The following CCDC91 variants were observed in gnomAD, a reference collection of about 807,000 sequenced individuals.
The protein encoded by CCDC91 is coiled-coil domain-containing protein 91.
In CCDC91, 48 loss-of-function variants were observed where a neutral mutation model predicts 63.2. The observed-to-expected ratio is 0.76, with a 90% CI of 0.60 to 0.97. CCDC91 has a LOEUF of 0.97. CCDC91 is among the 50% of genes least tolerant of loss of function. The probability of loss-of-function intolerance (pLI) is 0.00; values close to 1 mark genes in which losing one functional copy is unlikely to be tolerated. For synonymous variants in CCDC91, 167 were observed against 165.8 expected (o/e 1.01, Z -0.06); for missense variants, 500 against 494.6 (o/e 1.01, Z -0.10).
At chr12:28,500,557 T>C (rs1222656110) in intron 12 of CCDC91, among the ~76,000 whole-genome samples, 8 of 151,754 alleles carry the variant, frequency 5.3e-5, no homozygotes, top group African/African-American at 7.3e-5. Context: ...AATGATAAGA[T>C]ATGAGTCATT....
intron 11 of CCDC91, among the ~76,000 whole-genome samples, chr12:28,473,974 T>TTGTGTGTG (rs142414549): frequency 0.015 from 2,301 of 149,684 alleles, 20 homozygotes; most frequent in South Asian, 0.028. Context: ...GCATGTGTGT[T>TTGTGTGTG]TGTGTGTGTG....
chr12:28,471,758 C>T (rs1378644878), intron 11 of CCDC91, among the ~76,000 whole-genome samples: 2 of 149,352 alleles, frequency 1.3e-5, no homozygotes, highest in Non-Finnish European at 3.0e-5. Context: ...TTTTCTCTCT[C>T]TTTTTTTTTG....
intron 6 of CCDC91, among the ~76,000 whole-genome samples, chr12:28,308,836 C>A (rs1307301853): frequency 6.6e-6 from 1 of 151,994 alleles, no homozygotes; most frequent in East Asian, 1.9e-4. Context: ...CTGTAATAGT[C>A]TCCTAAGTGG....
intron 12 of CCDC91, 152 bp downstream of exon 12, chr12:28,484,317 A>T: frequency 2.3e-6 from 1 of 431,626 alleles, no homozygotes; most frequent in Non-Finnish European, 4.2e-6. Flanking sequence ...ATAATTATGT[A>T]TTCTGATAGT....
At chr12:28,226,200 G>T (rs1264960288) in intron 1 of CCDC91, 6 of 152,176 alleles carry the variant, frequency 3.9e-5, no homozygotes, top group Non-Finnish European at 8.8e-5. Flanking sequence ...TCATTATGAG[G>T]TAGGTTTTTG....
chr12:28,432,545 T>A (rs1565963197), intron 8 of CCDC91, among the ~76,000 whole-genome samples: 1 of 152,122 alleles, frequency 6.6e-6, no homozygotes. Context: ...CCAAGCCATG[T>A]GGAACTGTGA....
At chr12:28,283,463 G>A (rs1012951198) in intron 3 of CCDC91, among the ~76,000 whole-genome samples, 2 of 151,630 alleles carry the variant, frequency 1.3e-5, no homozygotes, top group Admixed American at 6.6e-5. Flanking sequence ...TATTTATTTT[G>A]CAGCTGTTGT....
chr12:28,344,024 T>A (rs893650337), intron 6 of CCDC91, among the ~76,000 whole-genome samples: 1 of 152,156 alleles, frequency 6.6e-6, no homozygotes. Context: ...TAATTTTTTC[T>A]GGTATTTTAA....
intron 6 of CCDC91, among the ~76,000 whole-genome samples, chr12:28,323,504 G>A (rs1592307989): frequency 6.6e-6 from 1 of 151,944 alleles, no homozygotes; most frequent in East Asian, 1.9e-4. Context: ...GTGTATTCCT[G>A]TGATAGTACC....
intron 11 of CCDC91, among the ~76,000 whole-genome samples, chr12:28,463,632 A>G (rs1355473): frequency 0.21 from 31,753 of 152,152 alleles, 4,348 homozygotes; most frequent in Non-Finnish European, 0.31. Context: ...GTGACTGGAA[A>G]TAGGATATGA....
intron 12 of CCDC91, among the ~76,000 whole-genome samples, chr12:28,520,409 G>T (rs560978354): frequency 4.9e-4 from 74 of 152,248 alleles, no homozygotes; most frequent in Middle Eastern, 3.4e-3. Context: ...CCCACTTTTT[G>T]ATGGGGATGT....
chr12:28,458,046 C>T (rs1218886233), intron 11 of CCDC91, among the ~76,000 whole-genome samples: 2 of 152,092 alleles, frequency 1.3e-5, no homozygotes, highest in East Asian at 1.9e-4. Flanking sequence ...ACAGACATTA[C>T]AATCAGTGGT....
chr12:28,427,895 C>G (rs1948413836), intron 8 of CCDC91, among the ~76,000 whole-genome samples: 1 of 152,084 alleles, frequency 6.6e-6, no homozygotes, highest in South Asian at 2.1e-4. Flanking sequence ...TTATTTCAAA[C>G]TTTAAGCCTT....
intron 6 of CCDC91, among the ~76,000 whole-genome samples, chr12:28,341,235 A>C (rs891636795): frequency 6.6e-6 from 1 of 152,130 alleles, no homozygotes; most frequent in African/African-American, 2.4e-5. Context: ...TTATAAGCAT[A>C]GGATGGGGGC....
chr12:28,390,299 AT>A (rs137933073), intron 7 of CCDC91, among the ~76,000 whole-genome samples: 23 of 149,962 alleles, frequency 1.5e-4, no homozygotes, highest in South Asian at 4.2e-4. Flanking sequence ...GATTTGGCTG[AT>A]TTTTTTTTTC....
Position 28,274,018 on chromosome 12 carries a change from T to G in CCDC91, c.109+14576T>G, listed in dbSNP as rs537418392. On this transcript the variant is annotated intron_variant, in intron 3 of 12. Transcript: ENST00000536442. Reference sequence around the variant, plus strand: ...AATCCATCTTGAATTAATTTTTGTATAAGGTGTAAGGAAGGGATCCAGTTT... The same window carrying G: ...AATCCATCTTGAATTAATTTTTGTAGAAGGTGTAAGGAAGGGATCCAGTTT... Among the ~76,000 whole-genome samples the G allele has an allele frequency of 1.3e-3, 193 of 152,330 alleles. 1 individual carries two copies. The highest frequency in any genetic ancestry group is 4.4e-3 in the African/African-American group (185 of 41,578).
chr12:28,521,137 C>T (rs1940603683), intron 12 of CCDC91, among the ~76,000 whole-genome samples: 1 of 152,146 alleles, frequency 6.6e-6, no homozygotes, highest in South Asian at 2.1e-4. Flanking sequence ...ATCGCGATGG[C>T]ATTGAATCTA....
intron 6 of CCDC91, among the ~76,000 whole-genome samples, chr12:28,318,956 A>G (rs1250668880): frequency 6.6e-6 from 1 of 152,000 alleles, no homozygotes; most frequent in Non-Finnish European, 1.5e-5. Context: ...AAGGAATGCC[A>G]TCAATTTACT....
At chr12:28,426,468 C>T (rs542659596) in intron 8 of CCDC91, among the ~76,000 whole-genome samples, 28 of 152,006 alleles carry the variant, frequency 1.8e-4, no homozygotes, top group Non-Finnish European at 3.1e-4. Context: ...AATTGTCTAA[C>T]GGTTCTTGGC....
Sources: gnomAD v4.1 joint callset for allele counts (sites outside exome capture counted in the v4.1 genomes callset) on GRCh38, gnomAD v4.1.1 for gene constraint, MANE v1.5 for transcripts, NCBI Gene and HGNC (gene_info 2026-07-23, HGNC 2026-07-21) for gene names.